The following PTPRD variants were observed in gnomAD, a reference collection of about 807,000 sequenced individuals.
The protein encoded by PTPRD is protein tyrosine phosphatase receptor type D.
PTPRD carries 34 observed loss-of-function variants against 214.5 expected under a neutral mutation model. That is an observed-to-expected ratio of 0.16 (90% CI 0.12 to 0.21). The LOEUF (loss-of-function observed/expected upper bound fraction) is 0.21. Among genes scored for constraint, PTPRD ranks in the 10% least tolerant of loss-of-function variants. PTPRD has a pLI of 1.00. For missense variants in PTPRD, 2,545 were observed against 2,398.7 expected (o/e 1.06, Z -1.27); for synonymous variants, 1,128 against 845.7 (o/e 1.33, Z -5.79).
chr9:8,834,469 C>T (rs973090777), intron 11 of PTPRD, among the ~76,000 whole-genome samples: 5 of 152,068 alleles, frequency 3.3e-5, no homozygotes, highest in Admixed American at 6.6e-5. Flanking sequence ...TTAACAACTA[C>T]TTGTTCACAC....
chr9:10,473,199 A>C (rs2099042231), intron 2 of PTPRD, among the ~76,000 whole-genome samples: 1 of 151,962 alleles, frequency 6.6e-6, no homozygotes, highest in Admixed American at 6.6e-5. Context: ...TGTCTTTTAA[A>C]GAAATAAACA....
intron 7 of PTPRD, among the ~76,000 whole-genome samples, chr9:9,683,864 AGT>A: frequency 6.6e-6 from 1 of 151,886 alleles, no homozygotes; most frequent in South Asian, 2.1e-4. Context: ...ACTTTAAGTT[AGT>A]TCGGGTTCTA....
At chr9:10,538,401 G>C (rs2058370733) in intron 2 of PTPRD, among the ~76,000 whole-genome samples, 1 of 151,862 alleles carries the variant, frequency 6.6e-6, no homozygotes, top group South Asian at 2.1e-4. Flanking sequence ...TTCATCTAAG[G>C]ATCTGTAACC....
At chr9:8,396,753 A>G (rs777701182) in intron 36 of PTPRD, among the ~76,000 whole-genome samples, 24 of 152,160 alleles carry the variant, frequency 1.6e-4, no homozygotes, top group Non-Finnish European at 2.2e-4. Context: ...GCTTGGCTAC[A>G]TGTAAGAGAA....
At chr9:9,250,527 G>C (rs944582617) in intron 9 of PTPRD, among the ~76,000 whole-genome samples, 11 of 151,954 alleles carry the variant, frequency 7.2e-5, no homozygotes, top group African/African-American at 2.4e-4. Flanking sequence ...ATGACAAAAG[G>C]TTAACATATT....
intron 12 of PTPRD, among the ~76,000 whole-genome samples, chr9:8,640,991 T>C (rs949278908): frequency 1.3e-5 from 2 of 148,304 alleles, no homozygotes; most frequent in Non-Finnish European, 2.9e-5. Flanking sequence ...CTAAACTTAA[T>C]AACCCCAACA....
chr9:8,551,929 A>G (rs1057427147), intron 14 of PTPRD, among the ~76,000 whole-genome samples: 1 of 152,212 alleles, frequency 6.6e-6, no homozygotes, highest in Admixed American at 6.5e-5. Context: ...AACTAAGCAA[A>G]TAAGTGTAGA....
At chr9:8,340,091 G>A (rs1447378766) in intron 42 of PTPRD, among the ~76,000 whole-genome samples, 1 of 152,124 alleles carries the variant, frequency 6.6e-6, no homozygotes, top group African/African-American at 2.4e-5. Flanking sequence ...GGGGACACCT[G>A]CTACTCATTT....
intron 5 of PTPRD, among the ~76,000 whole-genome samples, chr9:9,776,604 A>G (rs1364157663): frequency 1.3e-5 from 2 of 152,340 alleles, no homozygotes; most frequent in East Asian, 3.9e-4. Flanking sequence ...TGTTGAATCC[A>G]AAATACGATC....
chr9:10,213,652 T>C (rs1177037755), intron 3 of PTPRD, among the ~76,000 whole-genome samples: 1 of 152,144 alleles, frequency 6.6e-6, no homozygotes, highest in African/African-American at 2.4e-5. Context: ...ATTTTCTTTA[T>C]TTCATTTGAA....
At chr9:9,456,511 C>A (rs1427337653) in intron 8 of PTPRD, among the ~76,000 whole-genome samples, 2 of 151,712 alleles carry the variant, frequency 1.3e-5, no homozygotes, top group Admixed American at 6.6e-5. Flanking sequence ...ATTTAAAAAC[C>A]CAAACCAAAC....
At chr9:9,496,586 C>G (rs1396079423) in intron 8 of PTPRD, among the ~76,000 whole-genome samples, 1 of 151,928 alleles carries the variant, frequency 6.6e-6, no homozygotes, top group East Asian at 1.9e-4. Context: ...AACAAACAAA[C>G]AAAAAAGAGA....
chr9:8,546,146 G>A (rs968874154), intron 14 of PTPRD, among the ~76,000 whole-genome samples: 2 of 152,128 alleles, frequency 1.3e-5, no homozygotes, highest in African/African-American at 4.8e-5. Context: ...AAAACAACTT[G>A]GCCAGAGGAG....
intron 10 of PTPRD, among the ~76,000 whole-genome samples, chr9:9,125,132 A>C (rs929663298): frequency 2.0e-5 from 3 of 152,170 alleles, no homozygotes; most frequent in African/African-American, 7.2e-5. Flanking sequence ...ATATAAATTT[A>C]TCTGAGCCTG....
intron 3 of PTPRD, among the ~76,000 whole-genome samples, chr9:10,238,328 TC>T (rs2099635892): frequency 6.6e-6 from 1 of 151,824 alleles, no homozygotes; most frequent in South Asian, 2.1e-4. Flanking sequence ...AAGACTAGTT[TC>T]CCCCACCACC....
intron 5 of PTPRD, among the ~76,000 whole-genome samples, chr9:9,806,204 CAA>C (rs1343910914): frequency 6.6e-6 from 1 of 151,968 alleles, no homozygotes; most frequent in Non-Finnish European, 1.5e-5. Context: ...GAATGTCAGG[CAA>C]CCATCAGAAG....
chr9:10,486,093 G>A (rs1309898032), intron 2 of PTPRD, among the ~76,000 whole-genome samples: 1 of 151,802 alleles, frequency 6.6e-6, no homozygotes, highest in Non-Finnish European at 1.5e-5. Context: ...ACCTTTATCA[G>A]GTGGGTGGAT....
intron 9 of PTPRD, among the ~76,000 whole-genome samples, chr9:9,275,199 TTATATATA>T (rs1188297359): frequency 9.6e-5 from 1 of 10,394 alleles, no homozygotes; most frequent in African/African-American, 2.4e-4. Context: ...TATATATATA[TTATATATA>T]TATATATATA....
intron 11 of PTPRD, among the ~76,000 whole-genome samples, chr9:8,996,886 A>C (rs2099399023): frequency 1.3e-5 from 2 of 151,928 alleles, no homozygotes; most frequent in Non-Finnish European, 2.9e-5. Flanking sequence ...GGGTGATGGA[A>C]TTTTTCTATA....
Sources: gnomAD v4.1 joint callset for allele counts (sites outside exome capture counted in the v4.1 genomes callset) on GRCh38, gnomAD v4.1.1 for gene constraint, MANE v1.5 for transcripts, NCBI Gene and HGNC (gene_info 2026-07-23, HGNC 2026-07-21) for gene names.